ZNF496: variants seen among roughly 807,000 people sequenced by gnomAD.
ZNF496 encodes zinc finger protein 496, also known as NSD1 (nuclear receptor binding SET-domain containing 1)-interacting zinc finger protein 1.
In ZNF496, 11 loss-of-function variants were observed where a neutral mutation model predicts 58.9. The ratio of observed to expected loss-of-function variants is 0.19; its 90% confidence interval spans 0.12 to 0.31. The LOEUF is 0.31. Ranked by LOEUF, ZNF496 falls within the 10% of genes least tolerant of loss-of-function variation. The pLI, the probability that ZNF496 is intolerant of heterozygous loss-of-function variation, is 1.00. For missense variants in ZNF496, 660 were observed against 783.0 expected (o/e 0.84, Z 1.88); for synonymous variants, 338 against 318.2 (o/e 1.06, Z -0.66).
chr1:247,329,272 G>C lies in ZNF496; in HGVS notation c.307C>G (p.Arg103Gly). The C allele has an allele frequency of 6.2e-7, 1 of 1,613,578 alleles. No homozygotes were observed. Among genetic ancestry groups the C allele is most frequent in the African/African-American group, 1.3e-5 (1 of 75,028 alleles). Residue 103 changes from arginine (R) to glycine (G), a missense_variant, in exon 4 of 10, where the codon CGG becomes GGG. By Grantham distance (125) the Arg-to-Gly change is moderately radical. Transcript: ENST00000682384. This position sits in a 1 kb window ranked among gnomAD's most constrained non-coding sequence, Gnocchi z 5.5. ...TCTCCGCTCTCAGGCTCCTGCGCCCGCACCCAGCTCTGGATCTCCCGGGGC... is the reference window on the plus strand; with the variant it reads ...TCTCCGCTCTCAGGCTCCTGCGCCCCCACCCAGCTCTGGATCTCCCGGGGC... ...ILPREIQSWVRAQEPESGEQA... is the reference protein window; with the variant it reads ...ILPREIQSWVGAQEPESGEQA...
At chr1:247,307,947 TC>T in intron 9 of ZNF496, 1 of 985,220 alleles carries the variant, frequency 1.0e-6, no homozygotes, top group African/African-American at 1.7e-5. Context: ...TTTCCAAGAG[TC>T]CTGTGCAGCT....
Position 247,309,750 on chromosome 1 carries a change from G to T in ZNF496, c.841C>A (p.Pro281Thr). 1 of 1,614,184 alleles carries T rather than the reference G, an allele frequency of 6.2e-7. No homozygotes were observed. The highest frequency in any genetic ancestry group is 8.5e-7 in the Non-Finnish European group (1 of 1,180,046). The change falls in exon 8 of 10, where the codon CCA (proline) becomes ACA (threonine). Residue 281 changes from proline (P) to threonine (T), a missense_variant. Pro to Thr is a conservative substitution (Grantham distance 38, BLOSUM62 -1). Coordinates refer to ENST00000682384, the MANE Select transcript of ZNF496 (RefSeq NM_032752.3). The surrounding 1 kb of genome is among the most constrained non-coding windows in gnomAD (Gnocchi z 4.3). ...TTGCCCTGGAGATCCTGCAACTCTG[G>T]AACGCGTGGCTCATTCTCCTCTCCC... ...SQGEENEPRV[P>T]ELQDLQGKEV...
At chr1:247,330,972 T>A (rs1660303855) in intron 2 of ZNF496, among the ~76,000 whole-genome samples, 1 of 152,220 alleles carries the variant, frequency 6.6e-6, no homozygotes. Context: ...GCTGGACGCA[T>A]TACAGCGCTC....
At chr1:247,316,242 C>T (rs1031110821) in intron 6 of ZNF496, among the ~76,000 whole-genome samples, 2 of 140,538 alleles carry the variant, frequency 1.4e-5, no homozygotes, top group Non-Finnish European at 3.1e-5. Flanking sequence ...TGTGTGAGCG[C>T]GCGCAGTGGG....
Position 247,301,104 on chromosome 1 carries a change from G to C in ZNF496, c.1179C>G (p.Thr393=). 2 of 1,613,828 alleles carry C rather than the reference G, an allele frequency of 1.2e-6. No homozygotes were observed. Among genetic ancestry groups the C allele is most frequent in the Non-Finnish European group, 8.5e-7 (1 of 1,180,036 alleles). ...RSLPASHRSS[T]EAGGEVQTSK... is the part of the protein sequence containing the mutation. ...AGGTCTGCACCTCGCCTCCGGCCTC[G>C]GTGCTGCTCCGGTGGGAGGCGGGGA... Residue 393 remains threonine (T), a synonymous_variant, in exon 10 of 10, where the codon ACC becomes ACG. Transcript: ENST00000682384.
rs369443311 is a variant in ZNF496, at chr1:247,316,118, C to T, written c.652-5662G>A. 7.1e-5 allele frequency among the ~76,000 whole-genome samples: 10 copies of T among 140,708 alleles called. No individual in the cohort carries two copies. In the East Asian group the frequency reaches 1.3e-3, roughly 18 times the overall value. 92.3% of individuals were successfully genotyped at this position (140,708 alleles called of 152,430 possible). On this transcript the variant is annotated intron_variant, in intron 6 of 9. Transcript: ENST00000682384. ...TACAAAAGAATTCATCACTCTGACACGACTTCCTGGGAGAGGGGTGTGTGT... is the reference window on the plus strand; with the variant it reads ...TACAAAAGAATTCATCACTCTGACATGACTTCCTGGGAGAGGGGTGTGTGT...
At chr1:247,306,012 G>A (rs1659396419) in intron 9 of ZNF496, among the ~76,000 whole-genome samples, 1 of 152,174 alleles carries the variant, frequency 6.6e-6, no homozygotes, top group Non-Finnish European at 1.5e-5. Flanking sequence ...TACAGCAGAG[G>A]CAAGGGATTC....
chr1:247,328,993 G>A (rs1051596856), intron 4 of ZNF496, 127 bp from the exon 5 acceptor site: 2 of 1,392,786 alleles, frequency 1.4e-6, no homozygotes, highest in Admixed American at 2.3e-5. Context: ...GGCTGTAAAG[G>A]GGCACGACAC....
intron 6 of ZNF496, among the ~76,000 whole-genome samples, chr1:247,316,594 A>T (rs1049253812): frequency 2.0e-5 from 3 of 152,154 alleles, no homozygotes; most frequent in Non-Finnish European, 4.4e-5. Context: ...CACCAGATGG[A>T]GCCCCTCAAC....
intron 9 of ZNF496, among the ~76,000 whole-genome samples, chr1:247,302,332 G>A (rs1252873911): frequency 1.3e-5 from 2 of 152,090 alleles, no homozygotes; most frequent in African/African-American, 2.4e-5. Flanking sequence ...GAGAGATAAA[G>A]GGCAATGGTG....
Position 247,308,373 on chromosome 1 carries a change from A to G in ZNF496, c.1006+102T>C. 9.4e-7 allele frequency: 1 copy of G among 1,067,068 alleles called. No homozygotes were observed. The highest frequency in any genetic ancestry group is 1.4e-6 in the Non-Finnish European group (1 of 696,424). The allele number at this position is 1,067,068 out of a possible 1,614,324, so 66.1% of individuals were successfully genotyped here. A position where few individuals can be genotyped will look rare whatever the true frequency, so the allele number is the denominator to read the frequency against. On this transcript the variant is annotated intron_variant, in intron 9 of 9. Transcript: ENST00000682384. The surrounding 1 kb of genome is among the most constrained non-coding windows in gnomAD (Gnocchi z 4.5). ...CACATGTGTATGCACGCACACATGC[A>G]TTCAACACAACCATCCCCTATGCCA...
At position 247,328,838 on chromosome 1, in the gene ZNF496, A is replaced by G. The variant is rs2103034495; in HGVS notation, c.419T>C (p.Ile140Thr). The G allele has an allele frequency of 1.2e-6, 2 of 1,608,582 alleles. No homozygotes were observed. The highest frequency in any genetic ancestry group is 2.2e-5 in the East Asian group (1 of 44,824). The change falls in exon 5 of 10, where the codon ATT becomes ACT. Residue 140 changes from isoleucine to threonine, a missense_variant. Ile to Thr is a moderately conservative substitution (Grantham distance 89, BLOSUM62 -1). Transcript: ENST00000682384. ...WLKHCEDPVV[I>T]DDGDSPLDQE... ...GTCCAGAGGGCTGTCCCCATCATCA[A>G]TCACCACAGGGTCTTCACAGTGCTT...
intron 6 of ZNF496, chr1:247,312,338 CCA>C (rs1185166279): frequency 6.6e-6 from 1 of 152,212 alleles, no homozygotes; most frequent in Non-Finnish European, 1.5e-5. Flanking sequence ...CCATTGCCCA[CCA>C]CACGTTTCTC....
intron 9 of ZNF496, chr1:247,307,299 C>T: frequency 1.0e-6 from 1 of 985,444 alleles, no homozygotes; most frequent in Non-Finnish European, 1.2e-6. Flanking sequence ...TCTCCCCTTT[C>T]TCAGTAGCAA....
At position 247,329,390 on chromosome 1, in the gene ZNF496, G is replaced by A; in HGVS notation, c.189C>T (p.Leu63=). The A allele has an allele frequency of 6.2e-7, 1 of 1,613,428 alleles. No homozygotes were observed. The highest frequency in any genetic ancestry group is 8.5e-7 in the Non-Finnish European group (1 of 1,179,882). ...GCAGCCAGCCCCCGCACAGGTCCCA[G>A]AGGCGCTGCAGGGCCTCCCGGGGGC... The part of the protein sequence containing the change: ...AAGPREALQR[L]WDLCGGWLRP... The change falls in exon 4 of 10, where the codon CTC becomes CTT. Residue 63 remains leucine (L), a synonymous_variant. Transcript: ENST00000682384. This position sits in a 1 kb window ranked among gnomAD's most constrained non-coding sequence, Gnocchi z 5.5.
At position 247,327,029 on chromosome 1, in the gene ZNF496, G is replaced by C. The variant is rs113137732; in HGVS notation, c.574+1654C>G. Among the ~76,000 whole-genome samples, 892 of 152,270 alleles carry C rather than the reference G, an allele frequency of 5.9e-3. 9 individuals are homozygous for C. The highest frequency in any genetic ancestry group is 0.01 in the Non-Finnish European group (705 of 68,018). ...TGGGTTTTTACGGGTCCCAAAGAGA[G>C]CCAGTGGCATAAGAGACTTCCCCTC... is the stretch of plus-strand genomic sequence containing the variant. On this transcript the variant is annotated intron_variant, in intron 5 of 9. Coordinates refer to ENST00000682384, the MANE Select transcript of ZNF496 (RefSeq NM_032752.3).
chr1:247,318,861 T>C (rs1209056864), intron 6 of ZNF496, among the ~76,000 whole-genome samples: 4 of 152,212 alleles, frequency 2.6e-5, no homozygotes, highest in Non-Finnish European at 4.4e-5. Flanking sequence ...TGTTTGACAG[T>C]TGAAGCACAA....
intron 9 of ZNF496, among the ~76,000 whole-genome samples, chr1:247,305,293 A>G (rs1270412481): frequency 1.3e-5 from 2 of 152,222 alleles, no homozygotes; most frequent in African/African-American, 2.4e-5. Flanking sequence ...GAAAAGAGCT[A>G]TTGGTCTAAC....
rs1660255507 is a variant in ZNF496, at chr1:247,329,702, C to A, written c.-37-87G>T. ...ACAGTGACAAGGAAACTGTCAATGC[C>A]CTCAGAGACCAGCCCTTTGGAGAAG... On this transcript the variant is annotated intron_variant, in intron 3 of 9. Coordinates refer to ENST00000682384, the MANE Select transcript of ZNF496 (RefSeq NM_032752.3). This position sits in a 1 kb window ranked among gnomAD's most constrained non-coding sequence, Gnocchi z 5.5. 2 of 1,267,050 alleles carry A rather than the reference C, an allele frequency of 1.6e-6. No individual in the cohort carries two copies. Among genetic ancestry groups the A allele is most frequent in the Non-Finnish European group, 1.1e-6 (1 of 927,146 alleles). The allele number at this position is 1,267,050 out of a possible 1,614,324, so 78.5% of individuals were successfully genotyped here.
Sources: gnomAD v4.1 joint callset for allele counts (sites outside exome capture counted in the v4.1 genomes callset) on GRCh38, gnomAD v4.1.1 for gene constraint, Gnocchi (gnomAD v3.1) non-coding constraint, MANE v1.5 for transcripts, NCBI Gene and HGNC (gene_info 2026-07-23, HGNC 2026-07-21) for gene names.